Variants in TPRG1 observed in about 807,000 individuals in gnomAD.
The protein encoded by TPRG1 is tumor protein p63 regulated 1.
A neutral mutation model predicts 29.3 loss-of-function variants in TPRG1; 29 were observed. The observed-to-expected ratio is 0.99, with a 90% CI of 0.74 to 1.35. The LOEUF (loss-of-function observed/expected upper bound fraction) is 1.35. Among genes scored for constraint, TPRG1 ranks in the 40% most tolerant of loss-of-function variants. The pLI is 0.00. For synonymous variants in TPRG1, 130 were observed against 116.8 expected, an observed-to-expected ratio of 1.11 and a Z score of -0.73; for missense variants, 327 against 335.0, an observed-to-expected ratio of 0.98 and a Z score of 0.19.
At chr3:189,288,690 G>C (rs1718488176) in intron 4 of TPRG1, among the ~76,000 whole-genome samples, 1 of 152,206 alleles carries the variant, frequency 6.6e-6, no homozygotes, top group Admixed American at 6.5e-5. Flanking sequence ...TGGGCAAACA[G>C]TATCATTCTG....
intron 3 of TPRG1, among the ~76,000 whole-genome samples, chr3:189,137,728 A>G (rs1040987638): frequency 2.6e-5 from 4 of 152,074 alleles, no homozygotes; most frequent in Non-Finnish European, 5.9e-5. Context: ...TGTCTACAAC[A>G]CTTTATGCCT....
At chr3:189,254,418 C>T (rs1742742157) in intron 4 of TPRG1, among the ~76,000 whole-genome samples, 1 of 152,178 alleles carries the variant, frequency 6.6e-6, no homozygotes, top group Non-Finnish European at 1.5e-5. Flanking sequence ...GTTTTGGTTA[C>T]TGTAGCCTTG....
At chr3:189,203,385 T>A (rs1418230402) in intron 1 of TPRG1, among the ~76,000 whole-genome samples, 1 of 152,182 alleles carries the variant, frequency 6.6e-6, no homozygotes, top group Admixed American at 6.5e-5. Flanking sequence ...TTAATTTTTT[T>A]AAAAGAGCAA....
At chr3:189,187,631 T>C (rs2108727766) in intron 1 of TPRG1, among the ~76,000 whole-genome samples, 1 of 152,286 alleles carries the variant, frequency 6.6e-6, no homozygotes, top group African/African-American at 2.4e-5. Flanking sequence ...CTAATTCTTA[T>C]ACTGTCCTGT....
At position 189,191,901 on chromosome 3, in the gene TPRG1, G is replaced by A. The variant is rs75109067; in HGVS notation, c.-9-15475G>A. Among the ~76,000 whole-genome samples, 787 of 152,234 alleles carry A rather than the reference G, an allele frequency of 5.2e-3. 6 individuals carry two copies. Among genetic ancestry groups the A allele is most frequent in the Non-Finnish European group, 8.4e-3 (571 of 68,000 alleles). On this transcript the variant is annotated intron_variant, in intron 1 of 5. Transcript: ENST00000345063. ...TCACTTACTTCTCAGGATGGTTTCA[G>A]GCAGAAGCAAATGATTCCTTCTTCT...
At chr3:189,313,099 C>G (rs888659527) in intron 5 of TPRG1, 1 of 150,618 alleles carries the variant, frequency 6.6e-6, no homozygotes, top group Non-Finnish European at 1.5e-5. Context: ...ATTTGCCAAG[C>G]TATTTCTTAT....
Position 189,324,856 on chromosome 3 carries a change from G to C in TPRG1, c.*4036G>C, listed in dbSNP as rs1344733250. The C allele has an allele frequency of 1.3e-5, 2 of 152,148 alleles. No homozygotes were observed. Among genetic ancestry groups the C allele is most frequent in the African/African-American group, 2.4e-5 (1 of 41,428 alleles). The allele number at this position is 152,148 out of a possible 1,614,324, so 9.4% of individuals were successfully genotyped here. A position where few individuals can be genotyped will look rare whatever the true frequency, so the allele number is the denominator to read the frequency against. On this transcript the variant is annotated 3_prime_UTR_variant, in exon 6 of 6. Transcript: ENST00000345063. ...AGGGATGAATGCTCATTGGCTCTTG[G>C]CCAACAATTATACAAGGGCTTGTGC...
chr3:189,270,053 T>TTCTTCTTCTTC (rs1425503235), intron 4 of TPRG1, among the ~76,000 whole-genome samples: 1 of 146,836 alleles, frequency 6.8e-6, no homozygotes, highest in Non-Finnish European at 1.5e-5. Context: ...CTTCTTCTTC[T>TTCTTCTTCTTC]TCTTCTTTTT....
intron 4 of TPRG1, among the ~76,000 whole-genome samples, chr3:189,305,415 C>T (rs944085018): frequency 6.6e-6 from 1 of 152,196 alleles, no homozygotes; most frequent in Non-Finnish European, 1.5e-5. Context: ...TTCCTTCTTC[C>T]AACCTGTAGC....
chr3:189,253,654 TAGATCCTTG>T (rs1742625290), intron 4 of TPRG1, among the ~76,000 whole-genome samples: 1 of 152,226 alleles, frequency 6.6e-6, no homozygotes, highest in Admixed American at 6.5e-5. Context: ...TTTCTAGTTC[TAGATCCTTG>T]AGAAATTGCC....
At chr3:189,163,794 C>T (rs767082552) in intron 5 of TPRG1, among the ~76,000 whole-genome samples, 13 of 151,988 alleles carry the variant, frequency 8.6e-5, no homozygotes, top group East Asian at 1.9e-4. Context: ...GTGGAGTTGC[C>T]GGGGTTGGGC....
chr3:189,108,651 A>C (rs1261156427), intron 1 of TPRG1, among the ~76,000 whole-genome samples: 1 of 151,954 alleles, frequency 6.6e-6, no homozygotes, highest in Non-Finnish European at 1.5e-5. Flanking sequence ...CCATATACTA[A>C]AAATTCTTTG....
intron 1 of TPRG1, among the ~76,000 whole-genome samples, chr3:188,998,573 T>C (rs1711899170): frequency 6.6e-6 from 1 of 152,214 alleles, no homozygotes; most frequent in South Asian, 2.1e-4. Context: ...AAAATGTTAA[T>C]CTTTTTGTTT....
At chr3:189,292,292 C>CTTTTTTTTTT (rs11459415) in intron 4 of TPRG1, among the ~76,000 whole-genome samples, 1 of 114,898 alleles carries the variant, frequency 8.7e-6, no homozygotes, top group Non-Finnish European at 1.8e-5. Flanking sequence ...GAAGTTTTTG[C>CTTTTTTTTTT]TTTTTTTTTT....
intron 4 of TPRG1, among the ~76,000 whole-genome samples, chr3:189,088,125 C>G (rs1718083359): frequency 6.6e-6 from 1 of 152,168 alleles, no homozygotes; most frequent in Non-Finnish European, 1.5e-5. Flanking sequence ...TTGATTCTTC[C>G]TATCCATGAG....
At chr3:189,272,752 GTTCC>G (rs1179275065) in intron 4 of TPRG1, among the ~76,000 whole-genome samples, 471 of 44,814 alleles carry the variant, frequency 0.011, 4 homozygotes, top group African/African-American at 0.032. Flanking sequence ...TCCTTCCTTC[GTTCC>G]TTCCTTCCTT....
In TPRG1 at chr3:189,234,326, T is replaced by C. The variant is rs191228045; in HGVS notation, c.303-4407T>C. On this transcript the variant is annotated intron_variant, in intron 3 of 5. Coordinates refer to ENST00000345063, the MANE Select transcript of TPRG1 (RefSeq NM_198485.4). ...ATGCCACTGATATCAAAAAGTTTAA[T>C]GTGTTTATGGTCAGAAAAAGTAAAC... 4.0e-3 allele frequency among the ~76,000 whole-genome samples: 609 copies of C among 152,310 alleles called. 3 individuals are homozygous for C. The highest frequency in any genetic ancestry group is 6.7e-3 in the Non-Finnish European group (455 of 68,036).
intron 3 of TPRG1, among the ~76,000 whole-genome samples, chr3:189,223,440 T>C (rs1737233108): frequency 6.6e-6 from 1 of 152,246 alleles, no homozygotes; most frequent in East Asian, 1.9e-4. Context: ...TGGGTGTTTT[T>C]GACAACCACT....
chr3:189,171,586 T>C (rs1728817495), upstream of TPRG1, among the ~76,000 whole-genome samples: 1 of 152,252 alleles, frequency 6.6e-6, no homozygotes, highest in Admixed American at 6.5e-5. Context: ...CTGCTCTACA[T>C]GTCTTCTACA....
Sources: allele counts gnomAD v4.1 joint callset (sites outside exome capture counted in the v4.1 genomes callset), GRCh38; gene constraint gnomAD v4.1.1; transcripts MANE v1.5; gene names NCBI Gene and HGNC (gene_info 2026-07-23, HGNC 2026-07-21).